ZSWIM3: variants seen among roughly 807,000 people sequenced by gnomAD.
ZSWIM3 encodes zinc finger SWIM domain-containing protein 3.
In ZSWIM3, 27 loss-of-function variants were observed where a neutral mutation model predicts 47.5. The observed-to-expected ratio is 0.57, with a 90% confidence interval of 0.42 to 0.78. The LOEUF is 0.78. ZSWIM3 is among the 30% of genes least tolerant of loss of function. The pLI is 0.00. For synonymous variants in ZSWIM3, 333 were observed against 333.9 expected, an observed-to-expected ratio of 1.00 and a Z score of 0.03; for missense variants, 689 against 861.3, an observed-to-expected ratio of 0.80 and a Z score of 2.50.
chr20:45,876,006 G>A (rs991932950), intron 1 of ZSWIM3, among the ~76,000 whole-genome samples: 1 of 146,682 alleles, frequency 6.8e-6, no homozygotes, highest in South Asian at 2.3e-4. Context: ...CCCTACTACG[G>A]GTTTTTCCTG....
At position 45,877,859 on chromosome 20, in the gene ZSWIM3, T is replaced by C. The variant is rs1986142352; in HGVS notation, c.1301T>C (p.Leu434Ser). Residue 434 changes from leucine to serine, a missense_variant, in exon 2 of 2, where the codon TTG becomes TCG. Leu to Ser is a moderately radical substitution (Grantham distance 145). Coordinates refer to ENST00000255152, the MANE Select transcript of ZSWIM3 (RefSeq NM_080752.4). The stretch of plus-strand genomic sequence containing the variant: ...TTTAATACCAAAGGCTTGAAGAACT[T>C]GCCCACACCTCCTCCCAAATTAAAG... ...DFFNTKGLKNLPTPPPKLKRA... is the reference protein window; with the variant it reads ...DFFNTKGLKNSPTPPPKLKRA... 3 of 1,614,180 alleles carry C rather than the reference T, an allele frequency of 1.9e-6. No individual in the cohort carries two copies. Among genetic ancestry groups the C allele is most frequent in the Non-Finnish European group, 2.5e-6 (3 of 1,180,026 alleles).
Position 45,877,146 on chromosome 20 carries a change from C to T in ZSWIM3, c.588C>T (p.Asp196=), listed in dbSNP as rs1306086298. ...EGSMASFSVG[D]SQHLDRLSFQ... ...CCATGGCTTCCTTCAGTGTGGGTGA[C>T]AGCCAGCACCTGGACCGGCTCAGCT... is the stretch of plus-strand genomic sequence containing the variant. Residue 196 remains aspartate, a synonymous_variant, in exon 2 of 2, where the codon GAC becomes GAT. Transcript: ENST00000255152. 1 of 1,614,166 alleles carries T rather than the reference C, an allele frequency of 6.2e-7. No individual in the cohort carries two copies.
At position 45,857,987 on chromosome 20, in the gene ZSWIM3, G is replaced by A; in HGVS notation, c.155+7G>A. ...CCATCCGCGAAGACATCCTGTAAGG[G>A]CGGGCGGGGCGGGGCGGGCCAAGAG... On this transcript the variant is annotated splice_region_variant and intron_variant, in intron 1 of 1. Transcript: ENST00000255152. 1 of 1,566,360 alleles carries A rather than the reference G, an allele frequency of 6.4e-7. No homozygotes were observed. The highest frequency in any genetic ancestry group is 1.2e-5 in the South Asian group (1 of 83,834).
At position 45,857,877 on chromosome 20, in the gene ZSWIM3, A is replaced by T; in HGVS notation, c.52A>T (p.Ser18Cys). 3 of 1,614,058 alleles carry T rather than the reference A, an allele frequency of 1.9e-6. No homozygotes were observed. Among genetic ancestry groups the T allele is most frequent in the Non-Finnish European group, 8.5e-7 (1 of 1,180,000 alleles). The part of the protein sequence containing the change: ...KTYEDFKECF[S>C]AYKRENRCSF... Reference sequence around the variant, plus strand: ...CTATGAGGACTTCAAGGAGTGCTTCAGCGCCTACAAAAGGGAGAACAGGTG... The same window carrying T: ...CTATGAGGACTTCAAGGAGTGCTTCTGCGCCTACAAAAGGGAGAACAGGTG... The change falls in exon 1 of 2, where the codon AGC (serine) becomes TGC (cysteine). Residue 18 changes from serine (S) to cysteine (C), a missense_variant. Transcript: ENST00000255152.
intron 1 of ZSWIM3, among the ~76,000 whole-genome samples, chr20:45,866,131 G>A (rs891058713): frequency 5.3e-5 from 8 of 150,256 alleles, no homozygotes; most frequent in Admixed American, 1.3e-4. Context: ...TGGTGAAACC[G>A]TCTCTACTAA....
At chr20:45,864,054 TTAA>T (rs149244230) in intron 1 of ZSWIM3, among the ~76,000 whole-genome samples, 1,734 of 152,312 alleles carry the variant, frequency 0.011, 42 homozygotes, top group African/African-American at 0.04. Flanking sequence ...GACAGAGCTC[TTAA>T]TTGTTGTACT....
At chr20:45,870,618 G>T (rs925194826) in intron 1 of ZSWIM3, among the ~76,000 whole-genome samples, 3 of 152,016 alleles carry the variant, frequency 2.0e-5, no homozygotes, top group Non-Finnish European at 1.5e-5. Context: ...TCCATGTATA[G>T]AGAGAGAAGA....
chr20:45,875,670 T>G (rs1402322764), intron 1 of ZSWIM3, among the ~76,000 whole-genome samples: 1 of 147,050 alleles, frequency 6.8e-6, no homozygotes, highest in Admixed American at 6.9e-5. Context: ...CCTGGCTAAT[T>G]TTTTGTATTT....
chr20:45,877,434 T>G lies in ZSWIM3; in HGVS notation c.876T>G (p.Ala292=). Reference sequence around the variant, plus strand: ...TGGACCCTTCATTCCATTACCGGGCTATCCTGCAGGAGATCTTTCCTGCTG... The same window carrying G: ...TGGACCCTTCATTCCATTACCGGGCGATCCTGCAGGAGATCTTTCCTGCTG... ...VFVDPSFHYR[A]ILQEIFPAAR... The change falls in exon 2 of 2, where the codon GCT becomes GCG. Residue 292 remains alanine, a synonymous_variant. Coordinates refer to ENST00000255152, the MANE Select transcript of ZSWIM3 (RefSeq NM_080752.4). 6.2e-7 allele frequency: 1 copy of G among 1,614,216 alleles called. No individual in the cohort carries two copies. The highest frequency in any genetic ancestry group is 8.5e-7 in the Non-Finnish European group (1 of 1,180,038).
At chr20:45,866,804 AGAGAGAAAGAAG>A (rs1985853867) in intron 1 of ZSWIM3, among the ~76,000 whole-genome samples, 1 of 147,404 alleles carries the variant, frequency 6.8e-6, no homozygotes, top group Non-Finnish European at 1.5e-5. Context: ...TCTCAAAAAA[AGAGAGAAAGAAG>A]AAAAGGAAAG....
intron 1 of ZSWIM3, among the ~76,000 whole-genome samples, chr20:45,868,629 C>T (rs1174870010): frequency 2.0e-5 from 3 of 151,634 alleles, no homozygotes; most frequent in Non-Finnish European, 4.4e-5. Context: ...GTGATCCACT[C>T]GCCTCGGTCT....
At chr20:45,860,466 G>C (rs781238768) in intron 1 of ZSWIM3, among the ~76,000 whole-genome samples, 1 of 147,006 alleles carries the variant, frequency 6.8e-6, no homozygotes, top group Non-Finnish European at 1.5e-5. Context: ...AGCCAAGATC[G>C]TGCCATTGCA....
At chr20:45,858,264 C>T (rs1316519350) in intron 1 of ZSWIM3, among the ~76,000 whole-genome samples, 1 of 152,250 alleles carries the variant, frequency 6.6e-6, no homozygotes, top group East Asian at 1.9e-4. Context: ...AACCCAAATA[C>T]AAAGTATGGC....
In ZSWIM3 at chr20:45,878,242, C is replaced by T. The variant is rs777793054; in HGVS notation, c.1684C>T (p.Arg562Ter). 3.0e-5 allele frequency: 48 copies of T among 1,614,144 alleles called. No individual in the cohort carries two copies. The highest frequency in any genetic ancestry group is 5.3e-5 in the African/African-American group (4 of 75,038). ...SFQQWYHLPC[R>*]HILALLHTSQ... ...TCAACAATGGTACCACCTGCCATGC[C>T]GACACATTTTGGCTCTGCTGCACAC... is the stretch of plus-strand genomic sequence containing the variant. Residue 562 changes from arginine (R) to a stop codon, truncating the protein, a stop_gained, in exon 2 of 2, where the codon CGA becomes TGA. Coordinates refer to ENST00000255152, the MANE Select transcript of ZSWIM3 (RefSeq NM_080752.4). LOFTEE classifies it high-confidence loss of function.
Position 45,877,906 on chromosome 20 carries a change from C to T in ZSWIM3, c.1348C>T (p.Pro450Ser). Residue 450 changes from proline to serine, a missense_variant, in exon 2 of 2, where the codon CCA (proline) becomes TCA (serine). Coordinates refer to ENST00000255152, the MANE Select transcript of ZSWIM3 (RefSeq NM_080752.4). ...AAAGAGAGCTCGGCCGGCAAGCATG[C>T]CACTGAAGTCCAAGAAGGCTTTTGG... ...KLKRARPASMPLKSKKAFGIC... is the reference protein window; with the variant it reads ...KLKRARPASMSLKSKKAFGIC... 1 of 1,614,164 alleles carries T rather than the reference C, an allele frequency of 6.2e-7. No individual in the cohort carries two copies. Among genetic ancestry groups the T allele is most frequent in the Non-Finnish European group, 8.5e-7 (1 of 1,180,040 alleles).
At chr20:45,865,527 G>C (rs1190596773) in intron 1 of ZSWIM3, among the ~76,000 whole-genome samples, 2 of 151,934 alleles carry the variant, frequency 1.3e-5, no homozygotes, top group Admixed American at 6.6e-5. Flanking sequence ...TATTATATGG[G>C]TGGCTATGGC....
intron 1 of ZSWIM3, among the ~76,000 whole-genome samples, chr20:45,864,723 C>T (rs888082355): frequency 4.0e-5 from 6 of 151,876 alleles, no homozygotes; most frequent in South Asian, 2.1e-4. Context: ...TAGCCAGGCA[C>T]GGTGATGGGC....
At chr20:45,869,437 T>A (rs1271707151) in intron 1 of ZSWIM3, among the ~76,000 whole-genome samples, 2 of 150,396 alleles carry the variant, frequency 1.3e-5, no homozygotes, top group Non-Finnish European at 3.0e-5. Flanking sequence ...GAGAATCACT[T>A]GAATCTGGGA....
intron 1 of ZSWIM3, among the ~76,000 whole-genome samples, chr20:45,866,015 G>C (rs1029457513): frequency 7.3e-6 from 1 of 137,914 alleles, no homozygotes; most frequent in Admixed American, 7.4e-5. Context: ...AAAAGAAAAA[G>C]AAAAAAAAAA....
Sources: gnomAD v4.1 joint callset for allele counts (sites outside exome capture counted in the v4.1 genomes callset) on GRCh38, gnomAD v4.1.1 for gene constraint, MANE v1.5 for transcripts, NCBI Gene and HGNC (gene_info 2026-07-23, HGNC 2026-07-21) for gene names.